The following PTPRC variants were observed in gnomAD, a reference collection of about 807,000 sequenced individuals.
PTPRC encodes receptor-type tyrosine-protein phosphatase C.
Under a neutral mutation model 155.9 loss-of-function variants are expected in PTPRC, and 44 were observed. The observed-to-expected ratio is 0.28, with a 90% CI of 0.22 to 0.36. PTPRC has a LOEUF of 0.36. Among genes scored for constraint, PTPRC ranks in the 10% least tolerant of loss-of-function variants. The probability of loss-of-function intolerance (pLI) is 1.00; values close to 1 mark genes in which losing one functional copy is unlikely to be tolerated. For missense variants in PTPRC, 1,401 were observed against 1,564.6 expected (o/e 0.90, Z 1.76); for synonymous variants, 525 against 533.1 (o/e 0.98, Z 0.21).
In PTPRC at chr1:198,741,950, C is replaced by T. The variant is rs746414371; in HGVS notation, c.2485C>T (p.His829Tyr). ...WPDHGVPEDP[H>Y]LLLKLRRRVN... is the part of the protein sequence containing the mutation. Reference sequence around the variant, plus strand: ...AGACCACGGGGTGCCTGAGGATCCTCACTTGCTCCTCAAACTGAGAAGGAG... The same window carrying T: ...AGACCACGGGGTGCCTGAGGATCCTTACTTGCTCCTCAAACTGAGAAGGAG... Residue 829 changes from histidine to tyrosine, a missense_variant, in exon 24 of 33, where the codon CAC becomes TAC. His to Tyr is a moderately conservative substitution (Grantham distance 83). Transcript: ENST00000442510. The T allele has an allele frequency of 6.2e-7, 1 of 1,611,892 alleles. No individual in the cohort carries two copies. Among genetic ancestry groups the T allele is most frequent in the South Asian group, 1.1e-5 (1 of 91,026 alleles).
At chr1:198,649,830 A>C (rs1663145181) in intron 2 of PTPRC, among the ~76,000 whole-genome samples, 2 of 151,912 alleles carry the variant, frequency 1.3e-5, no homozygotes, top group Admixed American at 1.3e-4. Flanking sequence ...CCTAGTGGTG[A>C]GAGATAACAA....
Position 198,741,829 on chromosome 1 carries a change from TA to T in PTPRC, c.2404-33del, listed in dbSNP as rs754363866. ...CTTATTTATGTTTCATAGTTTGCTT[TA>T]AAAAAATCATCTCAAAGAAAATATT... On this transcript the variant is annotated intron_variant, in intron 23 of 32. Coordinates refer to ENST00000442510, the MANE Select transcript of PTPRC (RefSeq NM_002838.5). 48 of 1,593,448 alleles carry T rather than the reference TA, an allele frequency of 3.0e-5. No individual in the cohort carries two copies. In the African/African-American group the frequency reaches 3.9e-4, roughly 13 times the overall value.
chr1:198,646,818 A>C (rs756619873), intron 2 of PTPRC, among the ~76,000 whole-genome samples: 10 of 151,872 alleles, frequency 6.6e-5, no homozygotes, highest in Non-Finnish European at 1.3e-4. Flanking sequence ...ATTGGAGCAA[A>C]AAGTAAAGAG....
In PTPRC at chr1:198,669,646, G is replaced by A. The variant is rs368209163; in HGVS notation, c.74-22701G>A. On this transcript the variant is annotated intron_variant, in intron 2 of 32. Transcript: ENST00000442510. ...CTTACCCATTCCTACTAGAAGTAGA[G>A]CCAGAATCTAATCCAGACCTCCTGC... Among the ~76,000 whole-genome samples the A allele has an allele frequency of 3.9e-5, 6 of 152,216 alleles. 1 individual carries two copies. The South Asian group carries it at 1.2e-3, about 32-fold the overall frequency.
At chr1:198,713,642 C>T (rs1653422606) in intron 12 of PTPRC, among the ~76,000 whole-genome samples, 1 of 151,956 alleles carries the variant, frequency 6.6e-6, no homozygotes, top group African/African-American at 2.4e-5. Context: ...CTAGTTCACT[C>T]ATGAAATGTT....
At chr1:198,722,595 C>T (rs563221476) in intron 15 of PTPRC, 119 bp downstream of exon 15, 6 of 452,342 alleles carry the variant, frequency 1.3e-5, no homozygotes, top group African/African-American at 6.3e-5. Context: ...AATATCTCTT[C>T]CGTAAATGTA....
At chr1:198,695,609 A>AT (rs886668614) in intron 3 of PTPRC, among the ~76,000 whole-genome samples, 1 of 151,680 alleles carries the variant, frequency 6.6e-6, no homozygotes, top group African/African-American at 2.4e-5. Context: ...GCCCTGCAGA[A>AT]TTTTTTTTAC....
At position 198,754,361 on chromosome 1, in the gene PTPRC, T is replaced by C. The variant is rs1412149187; in HGVS notation, c.3602T>C (p.Val1201Ala). 6.2e-7 allele frequency: 1 copy of C among 1,613,366 alleles called. No individual in the cohort carries two copies. The highest frequency in any genetic ancestry group is 2.2e-5 in the East Asian group (1 of 44,796). ...GAGGTAGTGGATATTTTTCAAGTGGTAAAAGCTCTACGCAAAGCTAGGCCA... is the reference window on the plus strand; with the variant it reads ...GAGGTAGTGGATATTTTTCAAGTGGCAAAAGCTCTACGCAAAGCTAGGCCA... ...TEEVVDIFQV[V>A]KALRKARPGM... The change falls in exon 32 of 33, where the codon GTA becomes GCA. Residue 1201 changes from valine (V) to alanine (A), a missense_variant. This residue lies in a region of PTPRC where 400 missense variants were observed against 389.5 expected (regional missense o/e 1.03). Coordinates refer to ENST00000442510, the MANE Select transcript of PTPRC (RefSeq NM_002838.5).
intron 9 of PTPRC, among the ~76,000 whole-genome samples, chr1:198,707,479 C>T (rs958106528): frequency 6.6e-6 from 1 of 152,092 alleles, no homozygotes; most frequent in African/African-American, 2.4e-5. Context: ...CGGGCAGACT[C>T]TGGGGAAGCA....
chr1:198,679,680 A>T (rs1665187191), intron 2 of PTPRC: 1 of 323,172 alleles, frequency 3.1e-6, no homozygotes, highest in Non-Finnish European at 6.0e-6. Context: ...TTTGTAAACC[A>T]GCCAGACATA....
rs541883459 is a variant in PTPRC, at chr1:198,639,231, C to G, written c.-38C>G. ...ACAATTATTTTGCTTTTCAGAAGGA[C>G]GCATGCTGTTTCTTAGGGACACGGC... is the stretch of plus-strand genomic sequence containing the variant. On this transcript the variant is annotated 5_prime_UTR_variant, in exon 2 of 33. Coordinates refer to ENST00000442510, the MANE Select transcript of PTPRC (RefSeq NM_002838.5). 2.6e-6 allele frequency: 4 copies of G among 1,566,402 alleles called. No individual in the cohort carries two copies. The East Asian group carries it at 9.0e-5, about 35-fold the overall frequency.
Position 198,713,076 on chromosome 1 carries a change from A to G in PTPRC, c.1291+4A>G. Reference sequence around the variant, plus strand: ...CTCTGTTATATAAAAGAGACAGGTAATTTGTGTAGAATTTAATTTCATCAG... The same window carrying G: ...CTCTGTTATATAAAAGAGACAGGTAGTTTGTGTAGAATTTAATTTCATCAG... On this transcript the variant is annotated splice_donor_region_variant and intron_variant, in intron 12 of 32. Transcript: ENST00000442510. 6.2e-7 allele frequency: 1 copy of G among 1,613,394 alleles called. No individual in the cohort carries two copies. Among genetic ancestry groups the G allele is most frequent in the Non-Finnish European group, 8.5e-7 (1 of 1,179,472 alleles).
chr1:198,722,847 G>A (rs1470282378), intron 15 of PTPRC, among the ~76,000 whole-genome samples: 1 of 151,502 alleles, frequency 6.6e-6, no homozygotes, highest in Non-Finnish European at 1.5e-5. Context: ...TAGCAGAAGT[G>A]GGCCTTAGAT....
chr1:198,696,167 A>T (rs1471712905), intron 3 of PTPRC, among the ~76,000 whole-genome samples: 1 of 145,800 alleles, frequency 6.9e-6, no homozygotes, highest in Non-Finnish European at 1.5e-5. Context: ...TCAAAAAGAA[A>T]ATATATATAT....
chr1:198,755,269 T>G (rs759700518), intron 32 of PTPRC, among the ~76,000 whole-genome samples: 1 of 152,080 alleles, frequency 6.6e-6, no homozygotes, highest in Non-Finnish European at 1.5e-5. Flanking sequence ...CTCTATGTGG[T>G]AGTAACTGTA....
chr1:198,649,426 T>G (rs188468305), intron 2 of PTPRC, among the ~76,000 whole-genome samples: 106 of 151,896 alleles, frequency 7.0e-4, no homozygotes, highest in African/African-American at 2.6e-3. Context: ...GGAAAGGAAG[T>G]GGTGATATGA....
At chr1:198,712,026 C>A (rs905978151) in intron 11 of PTPRC, among the ~76,000 whole-genome samples, 4 of 152,070 alleles carry the variant, frequency 2.6e-5, no homozygotes, top group Non-Finnish European at 5.9e-5. Context: ...CAGGTATTTA[C>A]CAAAGAGGAA....
At chr1:198,722,592 C>T (rs1653946321) in intron 15 of PTPRC, 116 bp downstream of exon 15, 1 of 473,924 alleles carries the variant, frequency 2.1e-6, no homozygotes, top group Admixed American at 4.8e-5. Context: ...AATAATATCT[C>T]TTCCGTAAAT....
chr1:198,723,712 C>G (rs1653999411), intron 15 of PTPRC, among the ~76,000 whole-genome samples: 2 of 152,188 alleles, frequency 1.3e-5, no homozygotes, highest in African/African-American at 4.8e-5. Context: ...GAACAAAAAG[C>G]ACAGCATGCT....
Sources: allele counts gnomAD v4.1 joint callset (sites outside exome capture counted in the v4.1 genomes callset), GRCh38; gene constraint gnomAD v4.1.1; regional missense constraint gnomAD v4.1.1; transcripts MANE v1.5; gene names NCBI Gene and HGNC (gene_info 2026-07-23, HGNC 2026-07-21).